The following ZNF224 variants were observed in gnomAD, a reference collection of about 807,000 sequenced individuals.
ZNF224 encodes zinc finger protein 224, also known as bone marrow zinc finger 2.
A neutral mutation model predicts 10.5 loss-of-function variants in ZNF224; 8 were observed. The ratio of observed to expected loss-of-function variants is 0.76; its 90% CI spans 0.45 to 1.37. The LOEUF (loss-of-function observed/expected upper bound fraction) is 1.37. ZNF224 is among the 40% of genes most tolerant of loss of function. The pLI is 0.00. For missense variants in ZNF224, 754 were observed against 854.0 expected, an observed-to-expected ratio of 0.88 and a Z score of 1.46; for synonymous variants, 282 against 287.8, an observed-to-expected ratio of 0.98 and a Z score of 0.20.
intron 3 of ZNF224, among the ~76,000 whole-genome samples, chr19:44,098,432 G>C (rs995130327): frequency 5.9e-5 from 9 of 152,188 alleles, no homozygotes; most frequent in African/African-American, 2.2e-4. Flanking sequence ...GGCTGTAACT[G>C]TGGCTTCACA....
rs28681370 is a variant in ZNF224, at chr19:44,108,348, A to G, written c.*64A>G. On this transcript the variant is annotated 3_prime_UTR_variant, in exon 6 of 6. Transcript: ENST00000693561. ...TGAATGCAGTCTCATCTGAAAGTTC[A>G]CAAAGGAGAGACACATTAAAATATG... is the stretch of plus-strand genomic sequence containing the variant. 1.3e-5 allele frequency: 19 copies of G among 1,492,320 alleles called. No individual in the cohort carries two copies. 92.4% of individuals were successfully genotyped at this position (1,492,320 alleles called of 1,614,324 possible). A position where few individuals can be genotyped will look rare whatever the true frequency, so the allele number is the denominator to read the frequency against.
rs565165190 is a variant in ZNF224, at chr19:44,109,474, G to A, written c.*1190G>A. On this transcript the variant is annotated 3_prime_UTR_variant, in exon 6 of 6. Transcript: ENST00000693561. ...CAAATATATTCATTATTGGGGGCAG[G>A]AGTAACATTTAAATCCTCCTCTTTA... 6.6e-6 allele frequency: 1 copy of A among 152,254 alleles called. No homozygotes were observed. Among genetic ancestry groups the A allele is most frequent in the East Asian group, 1.9e-4 (1 of 5,190 alleles). The allele number at this position is 152,254 out of a possible 1,614,324, so 9.4% of individuals were successfully genotyped here.
At position 44,096,809 on chromosome 19, in the gene ZNF224, A is replaced by T. The variant is rs114934084; in HGVS notation, c.-69+378A>T. On this transcript the variant is annotated intron_variant, in intron 2 of 5. Coordinates refer to ENST00000693561, the MANE Select transcript of ZNF224 (RefSeq NM_001321645.3). ...TCTATGCTTGATATTTTTGAAGAGT[A>T]TAGGCAAGTTATTTTGGAGAAAGGC... Among the ~76,000 whole-genome samples the T allele has an allele frequency of 4.0e-3, 610 of 152,298 alleles. 4 individuals are homozygous for T. Among genetic ancestry groups the T allele is most frequent in the African/African-American group, 0.014 (565 of 41,564 alleles).
chr19:44,100,821 C>T lies in ZNF224; in HGVS notation c.36C>T (p.Asp12=), dbSNP rs150110361. The change falls in exon 4 of 6, where the codon GAC becomes GAT. Residue 12 remains aspartate, a synonymous_variant. Transcript: ENST00000693561. ...TTFKEAMTFK[D]VAVVFTEEEL... Reference sequence around the variant, plus strand: ...TATAGGAGGCAATGACCTTCAAGGACGTGGCTGTGGTCTTCACTGAGGAAG... The same window carrying T: ...TATAGGAGGCAATGACCTTCAAGGATGTGGCTGTGGTCTTCACTGAGGAAG... The T allele has an allele frequency of 2.5e-4, 404 of 1,613,686 alleles. 1 individual carries two copies. Among genetic ancestry groups the T allele is most frequent in the Non-Finnish European group, 3.2e-4 (378 of 1,179,872 alleles).
At chr19:44,097,555 A>G (rs967322409) in intron 2 of ZNF224, among the ~76,000 whole-genome samples, 3 of 152,212 alleles carry the variant, frequency 2.0e-5, no homozygotes, top group African/African-American at 7.2e-5. Context: ...TCAAAGGTTC[A>G]TGTATGTTGT....
intron 5 of ZNF224, 137 bp from the exon 6 acceptor site, chr19:44,106,259 A>C: frequency 5.5e-6 from 5 of 910,518 alleles, no homozygotes; most frequent in Non-Finnish European, 6.6e-6. Context: ...CAAACCAAAG[A>C]TTATGGTGCA....
intron 3 of ZNF224, 24 bp downstream of exon 3, chr19:44,097,912 C>G: frequency 6.2e-7 from 1 of 1,613,612 alleles, no homozygotes; most frequent in African/African-American, 1.3e-5. Context: ...GCTTCTATTA[C>G]TCTTAAAATT....
intron 3 of ZNF224, among the ~76,000 whole-genome samples, chr19:44,100,152 T>G (rs1967518231): frequency 6.6e-6 from 1 of 152,216 alleles, no homozygotes. Flanking sequence ...CTATATCATG[T>G]GACGATCATT....
chr19:44,105,765 G>C (rs73562187), intron 5 of ZNF224: 1 of 152,752 alleles, frequency 6.5e-6, no homozygotes, highest in Admixed American at 6.5e-5. Context: ...GTGAAAACAC[G>C]GTATTTGGTT....
intron 5 of ZNF224, chr19:44,105,542 A>ATTG (rs1258305818): frequency 1.5e-5 from 1 of 68,958 alleles, no homozygotes; most frequent in East Asian, 3.2e-4. Context: ...TTTTTTTATT[A>ATTG]AAGTATATAC....
At chr19:44,101,802 CCTTTA>C (rs1423724877) in intron 5 of ZNF224, among the ~76,000 whole-genome samples, 4 of 152,138 alleles carry the variant, frequency 2.6e-5, no homozygotes, top group African/African-American at 7.2e-5. Flanking sequence ...TGGGGAGAAG[CCTTTA>C]CTTTAGTTTA....
At position 44,108,416 on chromosome 19, in the gene ZNF224, A is replaced by T; in HGVS notation, c.*132A>T. On this transcript the variant is annotated 3_prime_UTR_variant, in exon 6 of 6. Coordinates refer to ENST00000693561, the MANE Select transcript of ZNF224 (RefSeq NM_001321645.3). ...TTCCCTTTGAGTATTTTATCTCTGAATCCATGCTGGTGATAAATTTCACCC... is the reference window on the plus strand; with the variant it reads ...TTCCCTTTGAGTATTTTATCTCTGATTCCATGCTGGTGATAAATTTCACCC... 1 of 949,190 alleles carries T rather than the reference A, an allele frequency of 1.1e-6. No individual in the cohort carries two copies. Among genetic ancestry groups the T allele is most frequent in the African/African-American group, 1.6e-5 (1 of 60,674 alleles). The allele number at this position is 949,190 out of a possible 1,614,324, so 58.8% of individuals were successfully genotyped here. A position where few individuals can be genotyped will look rare whatever the true frequency, so the allele number is the denominator to read the frequency against.
chr19:44,107,999 C>T lies in ZNF224; in HGVS notation c.1839C>T (p.Thr613=). ...TCAGCTGGTCCTCAACTCGTCTGAC[C>T]CATCAGAGACGCCACAGCAGAGAAA... The part of the protein sequence containing the change: ...KGFSWSSTRL[T]HQRRHSRETP... Residue 613 remains threonine (T), a synonymous_variant, in exon 6 of 6, where the codon ACC becomes ACT. Coordinates refer to ENST00000693561, the MANE Select transcript of ZNF224 (RefSeq NM_001321645.3). The T allele has an allele frequency of 6.2e-7, 1 of 1,614,048 alleles. No homozygotes were observed.
At position 44,106,945 on chromosome 19, in the gene ZNF224, G is replaced by T. The variant is rs754128607; in HGVS notation, c.785G>T (p.Cys262Phe). 1.9e-6 allele frequency: 3 copies of T among 1,610,246 alleles called. No individual in the cohort carries two copies. In the South Asian group the frequency reaches 3.3e-5, roughly 18 times the overall value. ...CACACAGGAGAGAAACCTTATAATTGTGAGGAATGCGGGAAGGCCTTCATT... is the reference window on the plus strand; with the variant it reads ...CACACAGGAGAGAAACCTTATAATTTTGAGGAATGCGGGAAGGCCTTCATT... Reference protein sequence around the residue: ...KLHTGEKPYNCEECGKAFIHD... With the variant: ...KLHTGEKPYNFEECGKAFIHD... The change falls in exon 6 of 6, where the codon TGT becomes TTT. Residue 262 changes from cysteine to phenylalanine, a missense_variant. Coordinates refer to ENST00000693561, the MANE Select transcript of ZNF224 (RefSeq NM_001321645.3).
intron 4 of ZNF224, 81 bp from the exon 5 acceptor site, chr19:44,101,052 G>A: frequency 6.2e-7 from 1 of 1,610,754 alleles, no homozygotes; most frequent in Non-Finnish European, 8.5e-7. Context: ...TGTGCAGTAA[G>A]AACCTAAATT....
At chr19:44,106,225 G>T in intron 5 of ZNF224, 171 bp from the exon 6 acceptor site, 2 of 644,726 alleles carry the variant, frequency 3.1e-6, no homozygotes, top group South Asian at 2.0e-5. Context: ...ATGATACTTG[G>T]TTTAGTTCGA....
rs539302122 is a variant in ZNF224, at chr19:44,106,242, CCT to C, written c.236-152_236-151del. 7 of 750,842 alleles carry C rather than the reference CCT, an allele frequency of 9.3e-6. No homozygotes were observed. The South Asian group carries it at 1.1e-4, about 12-fold the overall frequency. The allele number at this position is 750,842 out of a possible 1,614,324, so 46.5% of individuals were successfully genotyped here. On this transcript the variant is annotated intron_variant, in intron 5 of 5. Coordinates refer to ENST00000693561, the MANE Select transcript of ZNF224 (RefSeq NM_001321645.3). ...GATACTTGGTTTAGTTCGAAATTGG[CCT>C]CATCCAAACCAAAGATTATGGTGCA...
chr19:44,107,625 T>C lies in ZNF224; in HGVS notation c.1465T>C (p.Cys489Arg), dbSNP rs1323773428. The C allele has an allele frequency of 4.3e-6, 7 of 1,613,254 alleles. No individual in the cohort carries two copies. The East Asian group carries it at 1.6e-4, about 36-fold the overall frequency. ...SGEKPFQCEE[C>R]GKRFTQNSHL... The stretch of plus-strand genomic sequence containing the variant: ...AGAAAAACCATTCCAATGTGAAGAG[T>C]GTGGGAAGAGATTTACTCAAAATTC... The change falls in exon 6 of 6, where the codon TGT (cysteine) becomes CGT (arginine). Residue 489 changes from cysteine (C) to arginine (R), a missense_variant. Coordinates refer to ENST00000693561, the MANE Select transcript of ZNF224 (RefSeq NM_001321645.3).
chr19:44,101,539 C>T (rs1967549829), intron 5 of ZNF224, among the ~76,000 whole-genome samples: 2 of 152,134 alleles, frequency 1.3e-5, no homozygotes, highest in South Asian at 2.1e-4. Context: ...TCATCCCCTC[C>T]CTGCCACCTC....
Sources: gnomAD v4.1 joint callset for allele counts (sites outside exome capture counted in the v4.1 genomes callset) on GRCh38, gnomAD v4.1.1 for gene constraint, MANE v1.5 for transcripts, NCBI Gene and HGNC (gene_info 2026-07-23, HGNC 2026-07-21) for gene names.